The following MAML2 variants were observed in gnomAD, a reference collection of about 807,000 sequenced individuals.
MAML2 encodes mastermind like transcriptional coactivator 2.
A neutral mutation model predicts 96.1 loss-of-function variants in MAML2; 22 were observed. That is an observed-to-expected ratio of 0.23 (90% CI 0.16 to 0.33). MAML2 has a LOEUF of 0.33. Ranked by LOEUF, MAML2 falls within the 10% of genes least tolerant of loss-of-function variation. The pLI is 1.00. For missense variants in MAML2, 1,367 were observed against 1,392.4 expected (o/e 0.98, Z 0.29); for synonymous variants, 561 against 521.3 (o/e 1.08, Z -1.04).
Position 96,190,722 on chromosome 11 carries a change from C to T in MAML2, c.514-97205G>A, listed in dbSNP as rs552605173. 3.9e-4 allele frequency among the ~76,000 whole-genome samples: 60 copies of T among 152,290 alleles called. 1 individual carries two copies. The highest frequency in any genetic ancestry group is 1.4e-3 in the African/African-American group (59 of 41,560). ...ACGGGGATAAATGTAAATCCCTCTT[C>T]ATGGACATAAAATATCAGTTGTACA... On this transcript the variant is annotated intron_variant, in intron 1 of 4. Coordinates refer to ENST00000524717, the MANE Select transcript of MAML2 (RefSeq NM_032427.4).
At chr11:96,066,343 T>G (rs775374607) in intron 2 of MAML2, among the ~76,000 whole-genome samples, 56 of 152,164 alleles carry the variant, frequency 3.7e-4, no homozygotes, top group Admixed American at 5.2e-4. Flanking sequence ...CCCATCTTTG[T>G]CCAGGGGAGG....
At chr11:96,322,221 C>T (rs1379329855) in intron 1 of MAML2, among the ~76,000 whole-genome samples, 1 of 151,976 alleles carries the variant, frequency 6.6e-6, no homozygotes, top group Non-Finnish European at 1.5e-5. Flanking sequence ...CCAAGAAGTT[C>T]CCCACAATGA....
At chr11:96,277,340 C>T (rs1863004014) in intron 1 of MAML2, among the ~76,000 whole-genome samples, 1 of 149,836 alleles carries the variant, frequency 6.7e-6, no homozygotes, top group African/African-American at 2.6e-5. Flanking sequence ...GGGTATCTGT[C>T]ACCTCGAGTA....
intron 1 of MAML2, among the ~76,000 whole-genome samples, chr11:96,229,754 C>T (rs1862264993): frequency 6.6e-6 from 1 of 151,928 alleles, no homozygotes; most frequent in East Asian, 1.9e-4. Flanking sequence ...TGAAATTACT[C>T]ACATTTTGAG....
intron 1 of MAML2, among the ~76,000 whole-genome samples, chr11:96,233,166 A>G (rs1388095081): frequency 6.6e-6 from 1 of 152,220 alleles, no homozygotes; most frequent in Non-Finnish European, 1.5e-5. Context: ...TTTGAGTGCT[A>G]GAGTACAATA....
chr11:96,335,865 A>G (rs1809351539), intron 1 of MAML2, among the ~76,000 whole-genome samples: 1 of 151,804 alleles, frequency 6.6e-6, no homozygotes, highest in Admixed American at 6.6e-5. Context: ...CAAACACTTA[A>G]CTTACATGCC....
At chr11:96,032,583 T>C (rs1858634954) in intron 2 of MAML2, among the ~76,000 whole-genome samples, 1 of 91,282 alleles carries the variant, frequency 1.1e-5, no homozygotes, top group African/African-American at 4.8e-5. Context: ...CAAGAGTCTG[T>C]CTCAAAAAAA....
At chr11:96,142,021 T>G (rs1860739339) in intron 1 of MAML2, among the ~76,000 whole-genome samples, 1 of 152,250 alleles carries the variant, frequency 6.6e-6, no homozygotes, top group Admixed American at 6.5e-5. Flanking sequence ...GCATGCAGTC[T>G]GTTATGTGTA....
chr11:95,980,299 C>T lies in MAML2; in HGVS notation c.2456-336G>A, dbSNP rs549045456. Among the ~76,000 whole-genome samples the T allele has an allele frequency of 2.7e-3, 410 of 152,180 alleles. 2 individuals carry two copies. The highest frequency in any genetic ancestry group is 4.6e-3 in the Non-Finnish European group (313 of 68,002). On this transcript the variant is annotated intron_variant, in intron 4 of 4. Transcript: ENST00000524717. Reference sequence around the variant, plus strand: ...GAATTAGCTTTACTATGTTCCAAGTCCAGAGACTACAGTCTTGATTAGTCA... The same window carrying T: ...GAATTAGCTTTACTATGTTCCAAGTTCAGAGACTACAGTCTTGATTAGTCA...
chr11:96,051,640 T>C (rs945432971), intron 2 of MAML2, among the ~76,000 whole-genome samples: 5 of 152,122 alleles, frequency 3.3e-5, no homozygotes, highest in African/African-American at 1.2e-4. Flanking sequence ...AAGGACTTCA[T>C]TCAACAGTTT....
intron 1 of MAML2, among the ~76,000 whole-genome samples, chr11:96,301,848 T>A (rs1180361063): frequency 1.3e-5 from 2 of 152,212 alleles, no homozygotes; most frequent in Non-Finnish European, 2.9e-5. Flanking sequence ...AAGCCTAAAT[T>A]GAACCATAAT....
intron 1 of MAML2, among the ~76,000 whole-genome samples, chr11:96,131,184 G>A (rs1249490413): frequency 1.3e-5 from 2 of 151,858 alleles, no homozygotes; most frequent in African/African-American, 4.8e-5. Context: ...AAAGAGAACA[G>A]CATACATAAA....
At chr11:96,115,575 G>A (rs1193006693) in intron 1 of MAML2, among the ~76,000 whole-genome samples, 1 of 151,838 alleles carries the variant, frequency 6.6e-6, no homozygotes, top group African/African-American at 2.4e-5. Context: ...CCTCCTGCAG[G>A]GTCTGATCAG....
chr11:96,155,097 T>C (rs1483682671), intron 1 of MAML2, among the ~76,000 whole-genome samples: 1 of 152,166 alleles, frequency 6.6e-6, no homozygotes, highest in African/African-American at 2.4e-5. Flanking sequence ...ACTGGGTAAA[T>C]AAGTCTGCCT....
At chr11:96,281,540 G>GT (rs1253203390) in intron 1 of MAML2, among the ~76,000 whole-genome samples, 4 of 152,084 alleles carry the variant, frequency 2.6e-5, no homozygotes, top group South Asian at 2.1e-4. Context: ...AGGAATAATA[G>GT]TTTTTTTCCC....
intron 1 of MAML2, among the ~76,000 whole-genome samples, chr11:96,268,958 CAAACACT>C (rs1432873402): frequency 6.9e-6 from 1 of 144,720 alleles, no homozygotes; most frequent in Non-Finnish European, 1.5e-5. Context: ...ATACATCAAG[CAAACACT>C]AAATTGCTCG....
At chr11:96,033,126 C>A (rs1166435811) in intron 2 of MAML2, among the ~76,000 whole-genome samples, 2 of 152,204 alleles carry the variant, frequency 1.3e-5, no homozygotes, top group African/African-American at 4.8e-5. Context: ...GCTATTTAAG[C>A]ACTTTTTACA....
intron 2 of MAML2, among the ~76,000 whole-genome samples, chr11:96,033,059 C>G (rs1022904798): frequency 6.6e-6 from 1 of 152,186 alleles, no homozygotes; most frequent in Non-Finnish European, 1.5e-5. Context: ...CAGGGAGACT[C>G]TCCCTTGAAA....
intron 2 of MAML2, among the ~76,000 whole-genome samples, chr11:96,041,395 G>C (rs1747147384): frequency 6.6e-6 from 1 of 151,678 alleles, no homozygotes; most frequent in African/African-American, 2.4e-5. Context: ...CAGCTACTCA[G>C]GAGGCTGAGG....
Sources: gnomAD v4.1 joint callset for allele counts (sites outside exome capture counted in the v4.1 genomes callset) on GRCh38, gnomAD v4.1.1 for gene constraint, MANE v1.5 for transcripts, NCBI Gene and HGNC (gene_info 2026-07-23, HGNC 2026-07-21) for gene names.